The following MFSD8 variants were observed in gnomAD, a reference collection of about 807,000 sequenced individuals.
MFSD8 encodes major facilitator superfamily domain containing 8.
In MFSD8, 55 loss-of-function variants were observed where a neutral mutation model predicts 66.4. The observed-to-expected ratio is 0.83, with a 90% CI of 0.67 to 1.04. The LOEUF (loss-of-function observed/expected upper bound fraction) is 1.04. Among genes scored for constraint, MFSD8 ranks in the 50% least tolerant of loss-of-function variants. The probability of loss-of-function intolerance (pLI) is 0.00; values close to 1 mark genes in which losing one functional copy is unlikely to be tolerated. For missense variants in MFSD8, 550 were observed against 627.6 expected, an observed-to-expected ratio of 0.88 and a Z score of 1.32; for synonymous variants, 202 against 212.8, an observed-to-expected ratio of 0.95 and a Z score of 0.44.
At position 127,954,047 on chromosome 4, in the gene MFSD8, T is replaced by C. The variant is rs1330840473; in HGVS notation, c.154+3454A>G. Among the ~76,000 whole-genome samples, 7 of 152,194 alleles carry C rather than the reference T, an allele frequency of 4.6e-5. No individual in the cohort carries two copies. In the South Asian group the frequency reaches 8.3e-4, roughly 18 times the overall value. ...TATTAGTGCCTATAGATTTAGAGGG[T>C]TTCTACTTGGAAAAAAATTCATTTC... On this transcript the variant is annotated intron_variant, in intron 2 of 11. Coordinates refer to ENST00000641686, the MANE Select transcript of MFSD8 (RefSeq NM_001371596.2).
intron 7 of MFSD8, 133 bp from the exon 8 acceptor site, chr4:127,933,226 G>C: frequency 1.5e-6 from 1 of 679,700 alleles, no homozygotes; most frequent in East Asian, 2.8e-5. Context: ...CTTCAAAGTA[G>C]TTTAATAATA....
chr4:127,935,796 A>G (rs575400941), intron 7 of MFSD8, among the ~76,000 whole-genome samples: 57 of 152,322 alleles, frequency 3.7e-4, no homozygotes, highest in Admixed American at 1.2e-3. Context: ...TGTGGCTAGT[A>G]TGACAGAAAA....
chr4:127,928,275 T>C (rs1019790403), intron 9 of MFSD8, among the ~76,000 whole-genome samples: 1 of 152,092 alleles, frequency 6.6e-6, no homozygotes, highest in African/African-American at 2.4e-5. Flanking sequence ...CCTGTATTTT[T>C]AGTAGAAAAA....
In MFSD8 at chr4:127,919,326, C is replaced by T. The variant is rs914957956; in HGVS notation, c.*1304G>A. 6.6e-6 allele frequency: 1 copy of T among 152,210 alleles called. No homozygotes were observed. Among genetic ancestry groups the T allele is most frequent in the African/African-American group, 2.4e-5 (1 of 41,454 alleles). The allele number at this position is 152,210 out of a possible 1,614,324, so 9.4% of individuals were successfully genotyped here. A position where few individuals can be genotyped will look rare whatever the true frequency, so the allele number is the denominator to read the frequency against. ...AAGTGCTGGGATTACAGGCATGAGA[C>T]ACTGCACCCAACCTATAAAGTGCAG... is the stretch of plus-strand genomic sequence containing the variant. On this transcript the variant is annotated 3_prime_UTR_variant, in exon 12 of 12. Transcript: ENST00000641686.
intron 9 of MFSD8, among the ~76,000 whole-genome samples, chr4:127,926,952 G>T (rs892611918): frequency 2.0e-5 from 3 of 152,192 alleles, no homozygotes; most frequent in African/African-American, 7.2e-5. Context: ...GCAGCAGAGA[G>T]CCACAGCTCC....
In MFSD8 at chr4:127,965,092, T is replaced by C. The variant is rs1160479250; in HGVS notation, c.42A>G (p.Leu14=). ...CTCACCTGCTTCCAGGTGTGTCGCC[T>C]AAGAGCGGCTCCTGTTCACTTTCGT... ...LRNESEQEPL[L]GDTPGSREWD... Residue 14 remains leucine (L), a synonymous_variant, in exon 1 of 12, where the codon TTA becomes TTG. Transcript: ENST00000641686. 3 of 1,613,856 alleles carry C rather than the reference T, an allele frequency of 1.9e-6. No individual in the cohort carries two copies. The Admixed American group carries it at 5.0e-5, about 27-fold the overall frequency.
intron 1 of MFSD8, chr4:127,964,866 G>T (rs575678089): frequency 1.6e-6 from 1 of 645,158 alleles, no homozygotes; most frequent in Non-Finnish European, 2.7e-6. Flanking sequence ...TCGAACCCAC[G>T]GGCTCATCAC....
At position 127,934,240 on chromosome 4, in the gene MFSD8, AAAAT is replaced by A. The variant is rs776550249; in HGVS notation, c.755-1151_755-1148del. 1.4e-3 allele frequency among the ~76,000 whole-genome samples: 210 copies of A among 152,232 alleles called. 1 individual carries two copies. Among genetic ancestry groups the A allele is most frequent in the Non-Finnish European group, 2.6e-3 (176 of 68,018 alleles). ...CTGGGTGACAGAGACCCTGTCTCAA[AAAAT>A]AAATAAATAAATAACAAGAAATTAG... On this transcript the variant is annotated intron_variant, in intron 7 of 11. Coordinates refer to ENST00000641686, the MANE Select transcript of MFSD8 (RefSeq NM_001371596.2).
At position 127,933,097 on chromosome 4, in the gene MFSD8, T is replaced by C. The variant is rs766510873; in HGVS notation, c.755-4A>G. ...ACCTGAGCTTCATCTGTACTTGCTA[T>C]AGGGAAATAGGAGAAAAATTACATT... On this transcript the variant is annotated splice_polypyrimidine_tract_variant and splice_region_variant and intron_variant, in intron 7 of 11. Transcript: ENST00000641686. 5 of 1,609,348 alleles carry C rather than the reference T, an allele frequency of 3.1e-6. No individual in the cohort carries two copies. Among genetic ancestry groups the C allele is most frequent in the East Asian group, 2.2e-5 (1 of 44,758 alleles).
chr4:127,951,979 C>T (rs1742055559), intron 2 of MFSD8, among the ~76,000 whole-genome samples: 1 of 151,956 alleles, frequency 6.6e-6, no homozygotes, highest in South Asian at 2.1e-4. Flanking sequence ...CCGCCTGCCT[C>T]GGCCTCCTAA....
At chr4:127,946,601 G>A (rs1261459864) in intron 3 of MFSD8, among the ~76,000 whole-genome samples, 1 of 151,984 alleles carries the variant, frequency 6.6e-6, no homozygotes, top group Non-Finnish European at 1.5e-5. Context: ...TTTTAGGAGA[G>A]CATTTTCAAA....
chr4:127,951,550 A>G lies in MFSD8; in HGVS notation c.155-1703T>C, dbSNP rs148009069. ...GCCATTACTGTCAATTTTAGAACAC[A>G]TTTGTCACCTCAAAAAAAACTCTAT... On this transcript the variant is annotated intron_variant, in intron 2 of 11. Transcript: ENST00000641686. Among the ~76,000 whole-genome samples the G allele has an allele frequency of 6.6e-5, 10 of 152,116 alleles. No homozygotes were observed. In the East Asian group the frequency reaches 1.9e-3, roughly 29 times the overall value.
chr4:127,959,706 G>A (rs547876150), intron 1 of MFSD8, among the ~76,000 whole-genome samples: 42 of 152,208 alleles, frequency 2.8e-4, no homozygotes, highest in Non-Finnish European at 5.4e-4. Flanking sequence ...GGATATACAG[G>A]TGTTCGTGAT....
chr4:127,955,736 T>C (rs969656219), intron 2 of MFSD8, among the ~76,000 whole-genome samples: 1 of 152,108 alleles, frequency 6.6e-6, no homozygotes, highest in Non-Finnish European at 1.5e-5. Flanking sequence ...TTGTTAATTC[T>C]TTGAGGCACA....
At chr4:127,926,693 G>C (rs373187488) in intron 9 of MFSD8, among the ~76,000 whole-genome samples, 3 of 152,094 alleles carry the variant, frequency 2.0e-5, no homozygotes, top group Non-Finnish European at 4.4e-5. Flanking sequence ...GCTCCATAAG[G>C]ACAAGAATTC....
intron 7 of MFSD8, 37 bp downstream of exon 7, chr4:127,938,746 A>G (rs1367558585): frequency 7.9e-6 from 12 of 1,525,636 alleles, no homozygotes; most frequent in Non-Finnish European, 1.1e-5. Flanking sequence ...ACACTTTGAT[A>G]ATGTTATATT....
rs920242713 is a variant in MFSD8 at position 127,956,944 on chromosome 4, A to C, written c.154+557T>G. The stretch of plus-strand genomic sequence containing the variant: ...TGTTATTTGTTTCTTTTCATTAAAA[A>C]ATATTAACATCAAATAAATTTGTAT... On this transcript the variant is annotated intron_variant, in intron 2 of 11. Transcript: ENST00000641686. Among the ~76,000 whole-genome samples, 5 of 152,210 alleles carry C rather than the reference A, an allele frequency of 3.3e-5. No individual in the cohort carries two copies. The East Asian group carries it at 9.6e-4, about 29-fold the overall frequency.
intron 1 of MFSD8, chr4:127,964,727 A>G (rs909160095): frequency 2.4e-6 from 1 of 412,450 alleles, no homozygotes. Flanking sequence ...GTGCCGCCAA[A>G]GTGGGAGCCC....
chr4:127,930,259 T>C (rs1040721518), intron 9 of MFSD8, among the ~76,000 whole-genome samples: 2 of 151,970 alleles, frequency 1.3e-5, no homozygotes, highest in Admixed American at 6.6e-5. Context: ...AAGAGTGTTG[T>C]GTGGTCTGGG....
Sources: gnomAD v4.1 joint callset for allele counts (sites outside exome capture counted in the v4.1 genomes callset) on GRCh38, gnomAD v4.1.1 for gene constraint, MANE v1.5 for transcripts, NCBI Gene and HGNC (gene_info 2026-07-23, HGNC 2026-07-21) for gene names.